MSI2: variants seen among roughly 807,000 people sequenced by gnomAD.
MSI2 encodes the protein RNA-binding protein Musashi homolog 2.
MSI2 carries 17 observed loss-of-function variants against 45.6 expected under a neutral mutation model. That is an observed-to-expected ratio of 0.37 (90% CI 0.26 to 0.56). The LOEUF is 0.56. MSI2 is among the 20% of genes least tolerant of loss of function. The probability of loss-of-function intolerance (pLI) is 0.77; values close to 1 mark genes in which losing one functional copy is unlikely to be tolerated. For synonymous variants in MSI2, 156 were observed against 158.2 expected (o/e 0.99, Z 0.11); for missense variants, 293 against 444.2 (o/e 0.66, Z 3.06).
At chr17:57,343,807 C>G (rs1915371948) in intron 5 of MSI2, among the ~76,000 whole-genome samples, 1 of 152,162 alleles carries the variant, frequency 6.6e-6, no homozygotes, top group African/African-American at 2.4e-5. Flanking sequence ...ATGACATTGC[C>G]ATTTATAAAG....
At chr17:57,657,166 G>A (rs112645586) in intron 11 of MSI2, among the ~76,000 whole-genome samples, 44 of 152,318 alleles carry the variant, frequency 2.9e-4, no homozygotes, top group African/African-American at 1.0e-3. Flanking sequence ...TAGCGCTGTG[G>A]AAAGAATGTA....
intron 9 of MSI2, chr17:57,626,721 G>A: frequency 6.3e-6 from 1 of 159,962 alleles, no homozygotes; most frequent in Non-Finnish European, 1.4e-5. Context: ...TGTGGGCCAT[G>A]GCTCATCAGG....
At chr17:57,285,907 A>G in intron 5 of MSI2, 1 of 1,532,460 alleles carries the variant, frequency 6.5e-7, no homozygotes. Context: ...ATATTAAGAA[A>G]GTACTAAAGA....
rs552952633 is a variant in MSI2 at position 57,292,445 on chromosome 17, T to A, written c.312+30253T>A. On this transcript the variant is annotated intron_variant, in intron 5 of 13. Coordinates refer to ENST00000284073, the MANE Select transcript of MSI2 (RefSeq NM_138962.4). ...AAAGGAGGAGGGGTGAGAGGCAAAC[T>A]CTCCCATGTGCCTTAGACCTGGTGA... Among the ~76,000 whole-genome samples, 3 of 151,990 alleles carry A rather than the reference T, an allele frequency of 2.0e-5. No individual in the cohort carries two copies. In the East Asian group the frequency reaches 5.8e-4, roughly 29 times the overall value.
chr17:57,544,025 A>C (rs755779425), intron 7 of MSI2, among the ~76,000 whole-genome samples: 3 of 152,148 alleles, frequency 2.0e-5, no homozygotes, highest in Non-Finnish European at 2.9e-5. Context: ...TATTTTCAGG[A>C]GTGAAAAACT....
chr17:57,607,172 A>G (rs1906696143), intron 8 of MSI2, among the ~76,000 whole-genome samples: 1 of 152,230 alleles, frequency 6.6e-6, no homozygotes, highest in Non-Finnish European at 1.5e-5. Flanking sequence ...TATGTTATGT[A>G]ATATATGAAA....
In MSI2 at chr17:57,256,608, C is replaced by T. The variant is rs1906737755; in HGVS notation, c.-135C>T. On this transcript the variant is annotated 5_prime_UTR_variant, in exon 1 of 14. Coordinates refer to ENST00000284073, the MANE Select transcript of MSI2 (RefSeq NM_138962.4). ...CGGCTCCGCCGCTCGCAGAGAGATT[C>T]GGAGGAGCCCGGGCGGGGGGGAGGA... 2 of 373,082 alleles carry T rather than the reference C, an allele frequency of 5.4e-6. No individual in the cohort carries two copies. The highest frequency in any genetic ancestry group is 1.3e-4 in the South Asian group (2 of 15,894). 23.1% of individuals were successfully genotyped at this position (373,082 alleles called of 1,614,324 possible). A position where few individuals can be genotyped will look rare whatever the true frequency, so the allele number is the denominator to read the frequency against.
chr17:57,339,691 G>A (rs190963987), intron 5 of MSI2, among the ~76,000 whole-genome samples: 8 of 152,232 alleles, frequency 5.3e-5, no homozygotes, highest in East Asian at 1.9e-4. Flanking sequence ...GCTCATGCAC[G>A]TTTGCAGTGG....
chr17:57,277,064 T>C (rs1908927082), intron 5 of MSI2, among the ~76,000 whole-genome samples: 1 of 142,560 alleles, frequency 7.0e-6, no homozygotes, highest in African/African-American at 2.5e-5. Flanking sequence ...TTTTTTTTTT[T>C]TTTTTTTTTG....
chr17:57,600,487 A>G (rs1905743189), intron 8 of MSI2, among the ~76,000 whole-genome samples: 1 of 152,244 alleles, frequency 6.6e-6, no homozygotes, highest in Non-Finnish European at 1.5e-5. Context: ...TAAAGGATTC[A>G]CTGAAGGACC....
intron 5 of MSI2, among the ~76,000 whole-genome samples, chr17:57,281,627 C>G (rs1417885302): frequency 6.6e-6 from 1 of 152,148 alleles, no homozygotes; most frequent in Non-Finnish European, 1.5e-5. Flanking sequence ...CTTTAAAAAG[C>G]CTTGTTTCCC....
chr17:57,293,560 C>T (rs1437637379), intron 5 of MSI2, among the ~76,000 whole-genome samples: 1 of 150,758 alleles, frequency 6.6e-6, no homozygotes, highest in Non-Finnish European at 1.5e-5. Flanking sequence ...ATAGCACATC[C>T]TCTGAATATG....
chr17:57,663,910 A>C (rs1306869030), intron 11 of MSI2, among the ~76,000 whole-genome samples: 1 of 152,096 alleles, frequency 6.6e-6, no homozygotes, highest in East Asian at 1.9e-4. Context: ...CTGGCCTTCG[A>C]AGTTAAAGCA....
At chr17:57,584,122 C>T (rs2088280729) in intron 7 of MSI2, among the ~76,000 whole-genome samples, 1 of 152,154 alleles carries the variant, frequency 6.6e-6, no homozygotes, top group African/African-American at 2.4e-5. Flanking sequence ...CCCCTGTCCG[C>T]AGTAGCCTCC....
intron 10 of MSI2, among the ~76,000 whole-genome samples, chr17:57,633,444 G>A (rs907273336): frequency 5.9e-5 from 9 of 152,200 alleles, no homozygotes; most frequent in African/African-American, 1.4e-4. Context: ...TCCTTCCTCC[G>A]CCACGGCTCC....
At chr17:57,628,614 T>G (rs1302852862) in intron 10 of MSI2, 1 of 152,444 alleles carries the variant, frequency 6.6e-6, no homozygotes, top group Non-Finnish European at 1.5e-5. Flanking sequence ...GAATGGTCTT[T>G]GGGGTCTGTG....
At position 57,342,053 on chromosome 17, in the gene MSI2, TA is replaced by T. The variant is rs1915210175; in HGVS notation, c.313-59322del. On this transcript the variant is annotated intron_variant, in intron 5 of 13. Transcript: ENST00000284073. ...CCAGAACAAAAGAGGATCTGTTTTC[TA>T]AAAGAAAAAAGAATTTTTGAAGTAG... 2.6e-5 allele frequency among the ~76,000 whole-genome samples: 4 copies of T among 152,292 alleles called. No homozygotes were observed. In the South Asian group the frequency reaches 8.3e-4, roughly 32 times the overall value.
chr17:57,677,429 G>A (rs962747973), intron 13 of MSI2, among the ~76,000 whole-genome samples: 1 of 152,184 alleles, frequency 6.6e-6, no homozygotes, highest in Admixed American at 6.5e-5. Flanking sequence ...TAGAGGCAGG[G>A]AAGCATTGGG....
chr17:57,682,661 T>C lies in MSI2; in HGVS notation c.*3144T>C, dbSNP rs1913686972. Reference sequence around the variant, plus strand: ...CATTTTGAAAGATTTTTGTAAATTCTTTTAACACTGATGTTTCAGCCTCGT... The same window carrying C: ...CATTTTGAAAGATTTTTGTAAATTCCTTTAACACTGATGTTTCAGCCTCGT... On this transcript the variant is annotated 3_prime_UTR_variant, in exon 14 of 14. Transcript: ENST00000284073. The C allele has an allele frequency of 4.7e-6, 1 of 215,036 alleles. No individual in the cohort carries two copies. Among genetic ancestry groups the C allele is most frequent in the African/African-American group, 2.3e-5 (1 of 44,262 alleles). 13.3% of individuals were successfully genotyped at this position (215,036 alleles called of 1,614,324 possible).
Sources: gnomAD v4.1 joint callset for allele counts (sites outside exome capture counted in the v4.1 genomes callset) on GRCh38, gnomAD v4.1.1 for gene constraint, MANE v1.5 for transcripts, NCBI Gene and HGNC (gene_info 2026-07-23, HGNC 2026-07-21) for gene names.